The following ELSPBP1 variants were observed in gnomAD, a reference collection of about 807,000 sequenced individuals.
ELSPBP1 encodes the protein epididymal sperm-binding protein 1.
Under a neutral mutation model 33.3 loss-of-function variants are expected in ELSPBP1, and 38 were observed. The ratio of observed to expected loss-of-function variants is 1.14; its 90% CI spans 0.88 to 1.50. The LOEUF (loss-of-function observed/expected upper bound fraction) is 1.50. Ranked by LOEUF, ELSPBP1 falls within the 40% of genes most tolerant of loss-of-function variation. ELSPBP1 has a pLI of 0.00. For missense variants in ELSPBP1, 267 were observed against 263.5 expected, an observed-to-expected ratio of 1.01 and a Z score of -0.09; for synonymous variants, 85 against 94.1, an observed-to-expected ratio of 0.90 and a Z score of 0.56.
chr19:48,012,945 A>G (rs1409876621), intron 2 of ELSPBP1, among the ~76,000 whole-genome samples: 4 of 152,102 alleles, frequency 2.6e-5, no homozygotes, highest in African/African-American at 7.2e-5. Flanking sequence ...CTGCTAGACT[A>G]TCGTCCGAAT....
chr19:48,023,389 G>GAAAGA (rs149811275), intron 6 of ELSPBP1, among the ~76,000 whole-genome samples: 4 of 100,708 alleles, frequency 4.0e-5, no homozygotes, highest in Admixed American at 1.2e-4. Context: ...AAGGAGGGAG[G>GAAAGA]AGGGAGGGAG....
chr19:48,002,583 G>A (rs990665880), intron 1 of ELSPBP1, among the ~76,000 whole-genome samples: 1 of 152,200 alleles, frequency 6.6e-6, no homozygotes, highest in South Asian at 2.1e-4. Context: ...TTGGGGTCAG[G>A]AGTTCAAAAC....
chr19:48,019,905 T>C (rs1345736600), intron 5 of ELSPBP1, 28 bp downstream of exon 5: 3 of 1,597,670 alleles, frequency 1.9e-6, no homozygotes, highest in South Asian at 2.2e-5. Context: ...GTTGGGTGGG[T>C]GTGGGTGGAG....
chr19:48,008,396 C>A (rs559914456), intron 1 of ELSPBP1, among the ~76,000 whole-genome samples: 89 of 152,198 alleles, frequency 5.8e-4, no homozygotes, highest in African/African-American at 2.1e-3. Flanking sequence ...CCATGCCTGG[C>A]TAATTTAAAT....
chr19:48,018,714 C>G (rs1287523065), intron 4 of ELSPBP1, among the ~76,000 whole-genome samples: 2 of 152,052 alleles, frequency 1.3e-5, no homozygotes, highest in Admixed American at 6.6e-5. Context: ...AATTTGTGCT[C>G]TTAATCACCA....
intron 4 of ELSPBP1, 94 bp from the exon 5 acceptor site, chr19:48,019,625 A>C (rs10422382): frequency 0.22 from 282,948 of 1,259,556 alleles, 34,326 homozygotes; most frequent in African/African-American, 0.44. Flanking sequence ...CGTTGCCTTT[A>C]ATGGGATAAA....
intron 1 of ELSPBP1, among the ~76,000 whole-genome samples, chr19:47,995,779 G>C (rs1405847180): frequency 6.6e-6 from 1 of 152,182 alleles, no homozygotes; most frequent in African/African-American, 2.4e-5. Context: ...TAAACAGATA[G>C]GAATACTGAC....
At chr19:48,009,615 C>G (rs1016832314) in intron 2 of ELSPBP1, among the ~76,000 whole-genome samples, 5 of 152,116 alleles carry the variant, frequency 3.3e-5, no homozygotes, top group Non-Finnish European at 7.3e-5. Context: ...TATTGATGCA[C>G]CTTGATCCCA....
rs373991439 is a variant in ELSPBP1, at chr19:48,012,497, C to T, written c.71-1674C>T. ...ATTTTGAAAAAAAAGAAGGACAACT[C>T]GATATACTGTATTCATCAATTCTCA... On this transcript the variant is annotated intron_variant, in intron 2 of 6. Transcript: ENST00000339841. Among the ~76,000 whole-genome samples, 4 of 152,164 alleles carry T rather than the reference C, an allele frequency of 2.6e-5. No individual in the cohort carries two copies. The East Asian group carries it at 5.8e-4, about 22-fold the overall frequency.
intron 1 of ELSPBP1, among the ~76,000 whole-genome samples, chr19:48,008,282 T>A (rs766458119): frequency 6.6e-6 from 1 of 152,136 alleles, no homozygotes. Context: ...ACTGAGGCTA[T>A]AGTACAGTGG....
At position 48,001,852 on chromosome 19, in the gene ELSPBP1, G is replaced by GT. The variant is rs938456798; in HGVS notation, c.-17-6790dup. On this transcript the variant is annotated intron_variant, in intron 1 of 6. Coordinates refer to ENST00000339841, the MANE Select transcript of ELSPBP1 (RefSeq NM_022142.5). ...GCAGGCATGTGCCACCATGCTGGCT[G>GT]TTTTTTTTTAATTTTAAGATTTTTT... Among the ~76,000 whole-genome samples the GT allele has an allele frequency of 1.1e-4, 17 of 150,846 alleles. 1 individual carries two copies. Among genetic ancestry groups the GT allele is most frequent in the South Asian group, 8.4e-4 (4 of 4,766 alleles).
chr19:48,011,235 G>A lies in ELSPBP1; in HGVS notation c.70+2498G>A, dbSNP rs1967074200. ...TGAGAATGACAATAATGGGGTTGAT[G>A]ATGATGATGACAATGATTGATAATG... On this transcript the variant is annotated intron_variant, in intron 2 of 6. Coordinates refer to ENST00000339841, the MANE Select transcript of ELSPBP1 (RefSeq NM_022142.5). This position sits in a 1 kb window ranked among gnomAD's most constrained non-coding sequence, Gnocchi z 4.5. Among the ~76,000 whole-genome samples, 1 of 151,846 alleles carries A rather than the reference G, an allele frequency of 6.6e-6. No homozygotes were observed. Among genetic ancestry groups the A allele is most frequent in the African/African-American group, 2.4e-5 (1 of 41,294 alleles).
intron 2 of ELSPBP1, among the ~76,000 whole-genome samples, 181 bp downstream of exon 2, chr19:48,008,918 T>C (rs530939773): frequency 6.6e-6 from 1 of 152,172 alleles, no homozygotes; most frequent in South Asian, 2.1e-4. Flanking sequence ...GGCAGATCAC[T>C]TGAGGTCAGG....
intron 5 of ELSPBP1, among the ~76,000 whole-genome samples, chr19:48,021,622 A>G (rs1054521526): frequency 6.6e-6 from 1 of 150,708 alleles, no homozygotes; most frequent in Non-Finnish European, 1.5e-5. Flanking sequence ...GTATATATGT[A>G]TTTTTTTAGT....
rs551792422 is a variant in ELSPBP1, at chr19:48,006,600, C to T, written c.-17-2051C>T. 7.4e-4 allele frequency among the ~76,000 whole-genome samples: 76 copies of T among 102,658 alleles called. 1 individual carries two copies. The South Asian group carries it at 8.0e-3, about 11-fold the overall frequency. The allele number at this position is 102,658 out of a possible 152,430, so 67.3% of individuals were successfully genotyped here. On this transcript the variant is annotated intron_variant, in intron 1 of 6. Coordinates refer to ENST00000339841, the MANE Select transcript of ELSPBP1 (RefSeq NM_022142.5). The stretch of plus-strand genomic sequence containing the variant: ...CTGCACTCCAGTCTGGGCGTCTGGG[C>T]GACAGAGTGAGACCCTGTCTCAAAA...
chr19:48,023,782 T>C (rs1236077829), intron 6 of ELSPBP1, among the ~76,000 whole-genome samples: 2 of 152,160 alleles, frequency 1.3e-5, no homozygotes, highest in Non-Finnish European at 2.9e-5. Context: ...CCGCTGGTCA[T>C]CAAGTACCTC....
intron 6 of ELSPBP1, 96 bp from the exon 7 acceptor site, chr19:48,024,856 C>G (rs1002842354): frequency 5.3e-5 from 8 of 152,262 alleles, no homozygotes; most frequent in Non-Finnish European, 1.0e-4. Context: ...CCGACTAAGT[C>G]TGGAAAACCA....
intron 1 of ELSPBP1, among the ~76,000 whole-genome samples, chr19:47,998,334 C>T (rs1966931038): frequency 6.6e-6 from 1 of 151,684 alleles, no homozygotes; most frequent in South Asian, 2.1e-4. Context: ...ATCGCTTGAA[C>T]CGGGGGACAG....
intron 1 of ELSPBP1, among the ~76,000 whole-genome samples, chr19:48,007,896 C>A (rs1967037989): frequency 6.6e-6 from 1 of 152,164 alleles, no homozygotes; most frequent in Non-Finnish European, 1.5e-5. Context: ...AGCCAAGTGA[C>A]ATAAAGTGTG....
Sources: gnomAD v4.1 joint callset for allele counts (sites outside exome capture counted in the v4.1 genomes callset) on GRCh38, gnomAD v4.1.1 for gene constraint, Gnocchi (gnomAD v3.1) non-coding constraint, MANE v1.5 for transcripts, NCBI Gene and HGNC (gene_info 2026-07-23, HGNC 2026-07-21) for gene names.